RAPGEF2: variants seen among roughly 807,000 people sequenced by gnomAD.
RAPGEF2 encodes PDZ domain containing guanine nucleotide exchange factor (GEF) 1.
In RAPGEF2, 54 loss-of-function variants were observed where a neutral mutation model predicts 186.7. The ratio of observed to expected loss-of-function variants is 0.29; its 90% CI spans 0.23 to 0.36. The LOEUF (loss-of-function observed/expected upper bound fraction) is 0.36, where lower values mean the gene tolerates loss of function less well. Among genes scored for constraint, RAPGEF2 ranks in the 10% least tolerant of loss-of-function variants. The probability of loss-of-function intolerance (pLI) is 1.00; values close to 1 mark genes in which losing one functional copy is unlikely to be tolerated. For synonymous variants in RAPGEF2, 712 were observed against 705.9 expected (o/e 1.01, Z -0.14); for missense variants, 1,532 against 2,045.0 (o/e 0.75, Z 4.84).
chr4:159,342,866 T>A, intron 20 of RAPGEF2, 113 bp from the exon 21 acceptor site: 2 of 932,016 alleles, frequency 2.1e-6, no homozygotes, highest in Non-Finnish European at 1.6e-6. Flanking sequence ...TATGCAGCCT[T>A]CTGTAAATTG....
At chr4:159,185,469 A>T (rs1396198358) in intron 1 of RAPGEF2, among the ~76,000 whole-genome samples, 1 of 152,228 alleles carries the variant, frequency 6.6e-6, no homozygotes, top group Non-Finnish European at 1.5e-5. Flanking sequence ...ATCTACAATG[A>T]AATAATATTT....
Position 159,358,580 on chromosome 4 carries a change from C to T in RAPGEF2, c.*441C>T, listed in dbSNP as rs3749464. The T allele has an allele frequency of 0.12, 18,665 of 161,786 alleles. 3,381 individuals are homozygous for T. Among genetic ancestry groups the T allele is most frequent in the African/African-American group, 0.4 (16,569 of 41,788 alleles). 10.0% of individuals were successfully genotyped at this position (161,786 alleles called of 1,614,324 possible). A position where few individuals can be genotyped will look rare whatever the true frequency, so the allele number is the denominator to read the frequency against. On this transcript the variant is annotated 3_prime_UTR_variant, in exon 30 of 30. Coordinates refer to ENST00000691494, the MANE Select transcript of RAPGEF2 (RefSeq NM_001394067.2). ...ATGAGAAAAGCTAGCCATTGAACTACTTGGGGCCTTTAACCCACCAAGGAA... is the reference window on the plus strand; with the variant it reads ...ATGAGAAAAGCTAGCCATTGAACTATTTGGGGCCTTTAACCCACCAAGGAA...
chr4:159,153,557 T>C (rs1023085723), intron 1 of RAPGEF2, among the ~76,000 whole-genome samples: 1 of 152,220 alleles, frequency 6.6e-6, no homozygotes, highest in African/African-American at 2.4e-5. Context: ...TTGGTAGTTT[T>C]AATAATTTGG....
At chr4:159,267,736 T>G in intron 7 of RAPGEF2, 1 of 1,010,330 alleles carries the variant, frequency 9.9e-7, no homozygotes, top group Non-Finnish European at 1.2e-6. Context: ...AATATAATTC[T>G]GTGTTAAGCC....
At chr4:159,127,983 G>A (rs927967165) in intron 1 of RAPGEF2, among the ~76,000 whole-genome samples, 4 of 152,024 alleles carry the variant, frequency 2.6e-5, no homozygotes, top group Non-Finnish European at 4.4e-5. Flanking sequence ...TTCTAGGCAT[G>A]GTGTTATGAA....
chr4:159,157,818 A>G (rs960033471), intron 1 of RAPGEF2, among the ~76,000 whole-genome samples: 19 of 152,230 alleles, frequency 1.2e-4, no homozygotes, highest in African/African-American at 3.6e-4. Flanking sequence ...TAAGAAAGGA[A>G]TGGTCCTTCT....
intron 8 of RAPGEF2, among the ~76,000 whole-genome samples, chr4:159,305,428 A>ATTAG (rs1170854412): frequency 6.6e-6 from 1 of 152,078 alleles, no homozygotes; most frequent in Admixed American, 6.6e-5. Context: ...TTCTCTGATG[A>ATTAG]TCAGTGATAT....
intron 1 of RAPGEF2, among the ~76,000 whole-genome samples, chr4:159,158,809 C>A (rs13148447): frequency 0.25 from 37,836 of 151,980 alleles, 5,060 homozygotes; most frequent in Non-Finnish European, 0.31. Flanking sequence ...GACCTTGGAA[C>A]CTGAAGGAAC....
At chr4:159,204,667 G>A (rs528570002) in intron 3 of RAPGEF2, among the ~76,000 whole-genome samples, 12 of 152,262 alleles carry the variant, frequency 7.9e-5, no homozygotes, top group African/African-American at 2.4e-4. Flanking sequence ...GCCTTTTAGA[G>A]TTTCTCGTTA....
intron 3 of RAPGEF2, among the ~76,000 whole-genome samples, chr4:159,205,489 A>G (rs962932636): frequency 6.6e-6 from 1 of 152,112 alleles, no homozygotes; most frequent in South Asian, 2.1e-4. Flanking sequence ...ACTGAACATC[A>G]TTGCTTAGCC....
intron 20 of RAPGEF2, among the ~76,000 whole-genome samples, chr4:159,342,768 C>G (rs17038048): frequency 0.17 from 25,047 of 151,588 alleles, 2,450 homozygotes; most frequent in African/African-American, 0.26. Flanking sequence ...TAGGTCTATA[C>G]GGAAGAGAAG....
At position 159,222,716 on chromosome 4, in the gene RAPGEF2, A is replaced by C. The variant is rs1751655942; in HGVS notation, c.281+12133A>C. ...AATTCAGGGTGTATCTTAAAATAACATAGCAGCTAAATTTGTTTTTGTTTA... is the reference window on the plus strand; with the variant it reads ...AATTCAGGGTGTATCTTAAAATAACCTAGCAGCTAAATTTGTTTTTGTTTA... On this transcript the variant is annotated intron_variant, in intron 4 of 29. Coordinates refer to ENST00000691494, the MANE Select transcript of RAPGEF2 (RefSeq NM_001394067.2). 2.6e-5 allele frequency among the ~76,000 whole-genome samples: 4 copies of C among 152,178 alleles called. No individual in the cohort carries two copies. The South Asian group carries it at 8.3e-4, about 32-fold the overall frequency.
chr4:159,309,129 G>A (rs1445276429), intron 8 of RAPGEF2, among the ~76,000 whole-genome samples: 1 of 152,130 alleles, frequency 6.6e-6, no homozygotes, highest in African/African-American at 2.4e-5. Context: ...CAAGGCAAGC[G>A]TTTTCTAACT....
chr4:159,263,184 C>T (rs779786935), intron 7 of RAPGEF2, among the ~76,000 whole-genome samples: 16 of 151,992 alleles, frequency 1.1e-4, no homozygotes, highest in East Asian at 1.9e-4. Context: ...AAATAGATGA[C>T]GTGAAAATGT....
At position 159,328,429 on chromosome 4, in the gene RAPGEF2, A is replaced by T. The variant is rs572523571; in HGVS notation, c.1150-1429A>T. On this transcript the variant is annotated intron_variant, in intron 11 of 29. Coordinates refer to ENST00000691494, the MANE Select transcript of RAPGEF2 (RefSeq NM_001394067.2). ...AATTACTAGTACAAAAAAAGCCTATATCTTTTGATTTTTAACTTTTTGCTT... is the reference window on the plus strand; with the variant it reads ...AATTACTAGTACAAAAAAAGCCTATTTCTTTTGATTTTTAACTTTTTGCTT... 2.6e-5 allele frequency: 4 copies of T among 152,292 alleles called. 1 individual carries two copies. The South Asian group carries it at 8.3e-4, about 32-fold the overall frequency. The allele number at this position is 152,292 out of a possible 1,614,324, so 9.4% of individuals were successfully genotyped here.
chr4:159,297,817 A>ATTAC (rs140929115), intron 7 of RAPGEF2, among the ~76,000 whole-genome samples: 2 of 152,330 alleles, frequency 1.3e-5, no homozygotes, highest in Non-Finnish European at 2.9e-5. Flanking sequence ...ATAGAGAGGC[A>ATTAC]TATGTAAGGT....
At position 159,241,185 on chromosome 4, in the gene RAPGEF2, G is replaced by T; in HGVS notation, c.358-16G>T. The T allele has an allele frequency of 6.8e-7, 1 of 1,477,068 alleles. No homozygotes were observed. The highest frequency in any genetic ancestry group is 9.0e-7 in the Non-Finnish European group (1 of 1,114,504). 91.5% of individuals were successfully genotyped at this position (1,477,068 alleles called of 1,614,324 possible). A position where few individuals can be genotyped will look rare whatever the true frequency, so the allele number is the denominator to read the frequency against. ...TTGTGTTTGGAGAAATGAAATTTTG[G>T]GGGGTTTTATTTCAGGTGGACTATA... On this transcript the variant is annotated splice_polypyrimidine_tract_variant and intron_variant, in intron 5 of 29. Coordinates refer to ENST00000691494, the MANE Select transcript of RAPGEF2 (RefSeq NM_001394067.2).
chr4:159,115,878 A>G (rs761341509), intron 1 of RAPGEF2, among the ~76,000 whole-genome samples: 5 of 152,214 alleles, frequency 3.3e-5, no homozygotes, highest in Non-Finnish European at 7.4e-5. Flanking sequence ...AAAACTGGCT[A>G]GCCATATGCA....
At chr4:159,273,642 C>G (rs1404360337) in intron 7 of RAPGEF2, among the ~76,000 whole-genome samples, 6 of 109,518 alleles carry the variant, frequency 5.5e-5, no homozygotes, top group African/African-American at 2.2e-4. Context: ...TTCTTTCTTT[C>G]TTTCTTTCTT....
Sources: gnomAD v4.1 joint callset for allele counts (sites outside exome capture counted in the v4.1 genomes callset) on GRCh38, gnomAD v4.1.1 for gene constraint, MANE v1.5 for transcripts, NCBI Gene and HGNC (gene_info 2026-07-23, HGNC 2026-07-21) for gene names.